Variants in NLGN1 observed in about 807,000 individuals in gnomAD.
NLGN1 encodes neuroligin 1.
A neutral mutation model predicts 65.5 loss-of-function variants in NLGN1; 12 were observed. The ratio of observed to expected loss-of-function variants is 0.18; its 90% CI spans 0.12 to 0.30. The LOEUF is 0.30. Ranked by LOEUF, NLGN1 falls within the 10% of genes least tolerant of loss-of-function variation. NLGN1 has a pLI of 1.00. For synonymous variants in NLGN1, 350 were observed against 359.5 expected, an observed-to-expected ratio of 0.97 and a Z score of 0.30; for missense variants, 750 against 1,007.1, an observed-to-expected ratio of 0.74 and a Z score of 3.46.
At chr3:174,198,529 A>G (rs1733866353) in intron 4 of NLGN1, among the ~76,000 whole-genome samples, 1 of 152,220 alleles carries the variant, frequency 6.6e-6, no homozygotes, top group Non-Finnish European at 1.5e-5. Context: ...TTGCCTGTAC[A>G]AATATACAAA....
At chr3:173,652,751 T>C (rs1200584732) in intron 3 of NLGN1, among the ~76,000 whole-genome samples, 1 of 152,164 alleles carries the variant, frequency 6.6e-6, no homozygotes, top group Admixed American at 6.6e-5. Context: ...TCCGTATACA[T>C]TTTAGGATGT....
At chr3:173,789,277 G>A (rs1180751064) in intron 3 of NLGN1, among the ~76,000 whole-genome samples, 1 of 152,128 alleles carries the variant, frequency 6.6e-6, no homozygotes, top group East Asian at 1.9e-4. Context: ...TTAAAAAGAA[G>A]CGTGAAGTGT....
At chr3:173,429,436 C>T (rs1480669144) in intron 1 of NLGN1, among the ~76,000 whole-genome samples, 1 of 152,132 alleles carries the variant, frequency 6.6e-6, no homozygotes. Flanking sequence ...CTCAAAACTA[C>T]TGTTTTGAAT....
intron 4 of NLGN1, chr3:174,057,678 A>G (rs1736464816): frequency 6.6e-6 from 1 of 152,040 alleles, no homozygotes; most frequent in African/African-American, 2.4e-5. Flanking sequence ...TCTGTCACCC[A>G]TTGATTTTCC....
chr3:173,840,556 G>A (rs1175430054), intron 4 of NLGN1, among the ~76,000 whole-genome samples: 1 of 152,134 alleles, frequency 6.6e-6, no homozygotes, highest in Non-Finnish European at 1.5e-5. Flanking sequence ...GAAGAAATGA[G>A]GTTGTACAGG....
At chr3:173,919,801 T>C (rs1469412505) in intron 4 of NLGN1, among the ~76,000 whole-genome samples, 1 of 152,172 alleles carries the variant, frequency 6.6e-6, no homozygotes, top group Non-Finnish European at 1.5e-5. Flanking sequence ...AGTAGATATA[T>C]AGCTATTAAA....
chr3:174,212,283 C>T (rs952379987), intron 4 of NLGN1, among the ~76,000 whole-genome samples: 3 of 152,208 alleles, frequency 2.0e-5, no homozygotes, highest in Non-Finnish European at 2.9e-5. Flanking sequence ...GCCCTCCAAG[C>T]CCACGCCTAC....
chr3:173,684,401 A>G (rs968991350), intron 3 of NLGN1, among the ~76,000 whole-genome samples: 1 of 152,222 alleles, frequency 6.6e-6, no homozygotes, highest in East Asian at 1.9e-4. Flanking sequence ...TATGAAGTTT[A>G]AAAGTCAGAA....
intron 4 of NLGN1, among the ~76,000 whole-genome samples, chr3:174,228,493 A>T (rs527858824): frequency 6.6e-6 from 1 of 152,250 alleles, no homozygotes; most frequent in African/African-American, 2.4e-5. Context: ...TACAGACATC[A>T]GTGTATTTTC....
intron 1 of NLGN1, among the ~76,000 whole-genome samples, chr3:173,423,932 T>A (rs1715613948): frequency 6.6e-6 from 1 of 152,194 alleles, no homozygotes; most frequent in South Asian, 2.1e-4. Flanking sequence ...AGGACTCCAC[T>A]GCAGCAGACT....
At chr3:174,233,427 A>G (rs1053024550) in intron 4 of NLGN1, among the ~76,000 whole-genome samples, 4 of 151,928 alleles carry the variant, frequency 2.6e-5, no homozygotes, top group Admixed American at 2.6e-4. Context: ...CAGAGGTTGC[A>G]GTGAGCTGAG....
rs139220618 is a variant in NLGN1, at chr3:173,855,639, A to G, written c.646+47807A>G. Among the ~76,000 whole-genome samples, 1,465 of 152,246 alleles carry G rather than the reference A, an allele frequency of 9.6e-3. 21 individuals carry two copies. The highest frequency in any genetic ancestry group is 0.01 in the Non-Finnish European group (710 of 67,998). Reference sequence around the variant, plus strand: ...CATAAACAAAATAAAGAATGACCACAACGGTTCAAAAAGTTGCCAATACTA... The same window carrying G: ...CATAAACAAAATAAAGAATGACCACGACGGTTCAAAAAGTTGCCAATACTA... On this transcript the variant is annotated intron_variant, in intron 4 of 6. Coordinates refer to ENST00000457714, the Ensembl canonical transcript of NLGN1.
At chr3:173,653,889 A>T (rs943423321) in intron 3 of NLGN1, among the ~76,000 whole-genome samples, 4 of 152,140 alleles carry the variant, frequency 2.6e-5, no homozygotes, top group Non-Finnish European at 5.9e-5. Flanking sequence ...GCTGTTAGGA[A>T]GTCCAAGCAG....
At chr3:173,460,794 A>G (rs1001866130) in intron 2 of NLGN1, among the ~76,000 whole-genome samples, 1 of 152,266 alleles carries the variant, frequency 6.6e-6, no homozygotes, top group Middle Eastern at 3.4e-3. Context: ...AATAAAAGAG[A>G]GGTTTTCTGG....
At chr3:173,904,909 C>T (rs1738083199) in intron 4 of NLGN1, among the ~76,000 whole-genome samples, 1 of 152,118 alleles carries the variant, frequency 6.6e-6, no homozygotes, top group Non-Finnish European at 1.5e-5. Context: ...TTGCAGTGTT[C>T]CAAGGGAGAG....
rs140345298 is a variant in NLGN1, at chr3:174,279,284, G to A, written c.1283G>A (p.Gly428Asp). 6.2e-7 allele frequency: 1 copy of A among 1,613,284 alleles called. No individual in the cohort carries two copies. The highest frequency in any genetic ancestry group is 8.5e-7 in the Non-Finnish European group (1 of 1,179,532). ...GATAATTTATATGGATATCCTGAAG[G>A]CAAAGATGTTTTGAGAGAAACCATT... The change falls in exon 6 of 7, where the codon GGC becomes GAC. Residue 428 changes from glycine (G) to aspartate (D), a missense_variant. Gly to Asp is a moderately conservative substitution (Grantham distance 94). Coordinates refer to ENST00000457714, the Ensembl canonical transcript of NLGN1. The surrounding 1 kb of genome is among the most constrained non-coding windows in gnomAD (Gnocchi z 4.7).
chr3:173,604,612 G>A, exon 3 of NLGN1: 7 of 1,613,458 alleles, frequency 4.3e-6, no homozygotes, highest in Non-Finnish European at 5.9e-6. Context: ...GCACTGCCCA[G>A]ATGCACGTGG....
intron 4 of NLGN1, among the ~76,000 whole-genome samples, chr3:173,866,856 C>A (rs1037395271): frequency 1.3e-5 from 2 of 151,930 alleles, no homozygotes; most frequent in Non-Finnish European, 2.9e-5. Flanking sequence ...TCATTAGAAG[C>A]GATAGGGTTG....
chr3:174,076,372 A>G (rs530565398), intron 4 of NLGN1, among the ~76,000 whole-genome samples: 40 of 152,114 alleles, frequency 2.6e-4, no homozygotes, highest in Non-Finnish European at 5.4e-4. Flanking sequence ...TGAAGAGCAT[A>G]GGGAAATAAG....
Sources: gnomAD v4.1 joint callset for allele counts (sites outside exome capture counted in the v4.1 genomes callset) on GRCh38, gnomAD v4.1.1 for gene constraint, Gnocchi (gnomAD v3.1) non-coding constraint, MANE v1.5 for transcripts, NCBI Gene and HGNC (gene_info 2026-07-23, HGNC 2026-07-21) for gene names.